Variants in RFX2 observed in about 807,000 individuals in gnomAD.
RFX2 encodes the protein regulatory factor X2.
Under a neutral mutation model 87.8 loss-of-function variants are expected in RFX2, and 20 were observed. The observed-to-expected ratio is 0.23, with a 90% CI of 0.16 to 0.33. The LOEUF is 0.33. RFX2 is among the 10% of genes least tolerant of loss of function. The pLI is 1.00. For missense variants in RFX2, 767 were observed against 1,012.3 expected (o/e 0.76, Z 3.29); for synonymous variants, 397 against 431.3 (o/e 0.92, Z 0.98).
rs535011614 is a variant in RFX2, at chr19:5,993,174, A to G, written c.*1661T>C. 1 of 152,380 alleles carries G rather than the reference A, an allele frequency of 6.6e-6. No individual in the cohort carries two copies. The highest frequency in any genetic ancestry group is 2.4e-5 in the African/African-American group (1 of 41,584). 9.4% of individuals were successfully genotyped at this position (152,380 alleles called of 1,614,324 possible). A position where few individuals can be genotyped will look rare whatever the true frequency, so the allele number is the denominator to read the frequency against. ...AGACAGGCCAGAGCCTAAGGCAGAA[A>G]CCAGCTTGTATTGGTTACCAGGAGT... On this transcript the variant is annotated 3_prime_UTR_variant, in exon 18 of 18. Coordinates refer to ENST00000303657, the MANE Select transcript of RFX2 (RefSeq NM_000635.4).
At chr19:6,008,587 C>T (rs190764541) in intron 9 of RFX2, among the ~76,000 whole-genome samples, 2 of 151,880 alleles carry the variant, frequency 1.3e-5, no homozygotes, top group East Asian at 3.9e-4. Flanking sequence ...TTTGGCCAGG[C>T]TGGTCTCGAA....
chr19:6,012,963 T>C lies in RFX2; in HGVS notation c.899+23A>G. On this transcript the variant is annotated intron_variant, in intron 8 of 17. Coordinates refer to ENST00000303657, the MANE Select transcript of RFX2 (RefSeq NM_000635.4). This position sits in a 1 kb window ranked among gnomAD's most constrained non-coding sequence, Gnocchi z 4.6. ...CATGCTCCAGGGGAGAGCCAGCTCC[T>C]CCCAGCTCGGCCCGGCACCCACCTG... The C allele has an allele frequency of 6.7e-7, 1 of 1,500,522 alleles. No homozygotes were observed. The highest frequency in any genetic ancestry group is 8.9e-7 in the Non-Finnish European group (1 of 1,124,206). The allele number at this position is 1,500,522 out of a possible 1,614,324, so 93.0% of individuals were successfully genotyped here.
rs192143076 is a variant in RFX2 at position 6,024,640 on chromosome 19, C to A, written c.597+1523G>T. ...GGACCTGTCCTACATCACTTTCTGC[C>A]CCCAGAATCACTCACTGCCTTTTGA... is the stretch of plus-strand genomic sequence containing the variant. On this transcript the variant is annotated intron_variant, in intron 6 of 17. Transcript: ENST00000303657. The surrounding 1 kb of genome is among the most constrained non-coding windows in gnomAD (Gnocchi z 5.0). Among the ~76,000 whole-genome samples the A allele has an allele frequency of 4.0e-3, 613 of 152,292 alleles. 3 individuals carry two copies. The highest frequency in any genetic ancestry group is 6.5e-3 in the Non-Finnish European group (439 of 68,026).
intron 1 of RFX2, among the ~76,000 whole-genome samples, chr19:6,073,796 A>G (rs2087643217): frequency 6.6e-6 from 1 of 152,128 alleles, no homozygotes; most frequent in African/African-American, 2.4e-5. Context: ...TTGAATGCGG[A>G]CGGCTAATAC....
chr19:6,055,149 A>T (rs1181975710), intron 1 of RFX2, among the ~76,000 whole-genome samples: 1 of 152,224 alleles, frequency 6.6e-6, no homozygotes, highest in Admixed American at 6.5e-5. Context: ...AACTATATCA[A>T]GATATCACTA....
rs146923686 is a variant in RFX2, at chr19:6,066,480, G to A, written c.-8-18976C>T. 2.4e-3 allele frequency among the ~76,000 whole-genome samples: 369 copies of A among 152,306 alleles called. 3 individuals are homozygous for A. Among genetic ancestry groups the A allele is most frequent in the Non-Finnish European group, 3.4e-3 (230 of 68,032 alleles). Reference sequence around the variant, plus strand: ...TGATGTACGGTAGTAGGTTGGACAAGTAATGATTTTCTGAACACCAGGAAT... The same window carrying A: ...TGATGTACGGTAGTAGGTTGGACAAATAATGATTTTCTGAACACCAGGAAT... On this transcript the variant is annotated intron_variant, in intron 1 of 17. Transcript: ENST00000303657.
intron 1 of RFX2, among the ~76,000 whole-genome samples, chr19:6,089,181 A>G (rs2087898186): frequency 6.6e-6 from 1 of 152,270 alleles, no homozygotes; most frequent in Non-Finnish European, 1.5e-5. Context: ...AGAGCCTAAA[A>G]TAACTCCAAA....
In RFX2 at chr19:6,010,889, G is replaced by A. The variant is rs1426210514; in HGVS notation, c.900-638C>T. ...CCCAGTGCTTTGGGAGGCCGAGGCA[G>A]GTGGATCATCTGAGGTCGGGAGTTC... On this transcript the variant is annotated intron_variant, in intron 8 of 17. Transcript: ENST00000303657. The surrounding 1 kb of genome is among the most constrained non-coding windows in gnomAD (Gnocchi z 5.0). Among the ~76,000 whole-genome samples, 1 of 152,190 alleles carries A rather than the reference G, an allele frequency of 6.6e-6. No homozygotes were observed. Among genetic ancestry groups the A allele is most frequent in the Admixed American group, 6.5e-5 (1 of 15,280 alleles).
At chr19:6,057,012 A>G (rs575414097) in intron 1 of RFX2, 1 of 152,190 alleles carries the variant, frequency 6.6e-6, no homozygotes, top group African/African-American at 2.4e-5. Flanking sequence ...TTCATTTACC[A>G]TCTGGTCCAA....
chr19:6,041,815 T>C (rs571771593), intron 4 of RFX2, among the ~76,000 whole-genome samples: 1 of 152,208 alleles, frequency 6.6e-6, no homozygotes, highest in African/African-American at 2.4e-5. Flanking sequence ...TCCTCCCACC[T>C]TGGCCTCCTG....
intron 5 of RFX2, among the ~76,000 whole-genome samples, chr19:6,038,570 T>C (rs2087056753): frequency 6.6e-6 from 1 of 152,030 alleles, no homozygotes; most frequent in African/African-American, 2.4e-5. Context: ...GGGGAAAATA[T>C]TTGCAAGTCA....
At position 6,047,448 on chromosome 19, in the gene RFX2, G is replaced by C. The variant is rs769588473; in HGVS notation, c.49C>G (p.Arg17Gly). Residue 17 changes from arginine (R) to glycine (G), a missense_variant, in exon 2 of 18, where the codon CGT becomes GGT. Arg to Gly is a moderately radical substitution (Grantham distance 125). Coordinates refer to ENST00000303657, the MANE Select transcript of RFX2 (RefSeq NM_000635.4). The surrounding 1 kb of genome is among the most constrained non-coding windows in gnomAD (Gnocchi z 4.2). Reference protein sequence around the residue: ...GADSPASVALRPSAAAPPVPA... With the variant: ...GADSPASVALGPSAAAPPVPA... ...ACAGGCGGGGCTGCCGCCGAGGGAC[G>C]CAGAGCCACGGACGCTGGCGAATCC... 3.7e-6 allele frequency: 6 copies of C among 1,604,916 alleles called. No individual in the cohort carries two copies. Among genetic ancestry groups the C allele is most frequent in the Non-Finnish European group, 5.1e-6 (6 of 1,175,930 alleles).
chr19:6,044,252 G>A lies in RFX2; in HGVS notation c.121C>T (p.Pro41Ser). The A allele has an allele frequency of 1.3e-6, 2 of 1,573,658 alleles. No homozygotes were observed. Among genetic ancestry groups the A allele is most frequent in the East Asian group, 2.3e-5 (1 of 42,756 alleles). ...ATCGGCTGCATCTGGGCCCCTTTGG[G>A]ATTGGAGCTGGCTGCCTGGACCAAC... The part of the protein sequence containing the change: ...RVLVQAASSN[P>S]KGAQMQPISL... The change falls in exon 3 of 18, where the codon CCC becomes TCC. Residue 41 changes from proline to serine, a missense_variant. By Grantham distance (74) the Pro-to-Ser change is moderately conservative. This residue lies in a region of RFX2 where 146 missense variants were observed against 139.2 expected (regional missense o/e 1.05). Transcript: ENST00000303657. The surrounding 1 kb of genome is among the most constrained non-coding windows in gnomAD (Gnocchi z 5.3).
In RFX2 at chr19:5,997,795, G is replaced by A. The variant is rs2086435649; in HGVS notation, c.1860-582C>T. On this transcript the variant is annotated intron_variant, in intron 15 of 17. Coordinates refer to ENST00000303657, the MANE Select transcript of RFX2 (RefSeq NM_000635.4). This position sits in a 1 kb window ranked among gnomAD's most constrained non-coding sequence, Gnocchi z 4.2. Reference sequence around the variant, plus strand: ...AGTCCGCGTCCAGCCCTCAGCCTGTGTGCTGACAATGCTTTACATTTTGAA... The same window carrying A: ...AGTCCGCGTCCAGCCCTCAGCCTGTATGCTGACAATGCTTTACATTTTGAA... Among the ~76,000 whole-genome samples the A allele has an allele frequency of 6.6e-6, 1 of 152,214 alleles. No individual in the cohort carries two copies.
intron 1 of RFX2, among the ~76,000 whole-genome samples, chr19:6,093,127 A>G (rs1229195927): frequency 2.0e-5 from 3 of 152,148 alleles, no homozygotes; most frequent in Non-Finnish European, 2.9e-5. Flanking sequence ...AGGCTCAGCA[A>G]TTTCCCTGCC....
chr19:6,028,921 C>CA lies in RFX2; in HGVS notation c.523-2685dup, dbSNP rs1445620946. 4.6e-5 allele frequency among the ~76,000 whole-genome samples: 7 copies of CA among 150,854 alleles called. No homozygotes were observed. The South Asian group carries it at 1.0e-3, about 22-fold the overall frequency. On this transcript the variant is annotated intron_variant, in intron 5 of 17. Coordinates refer to ENST00000303657, the MANE Select transcript of RFX2 (RefSeq NM_000635.4). The stretch of plus-strand genomic sequence containing the variant: ...GAAACCCTGTCTCTACTAAAAATAC[C>CA]AAAAAAAATTAGGTGGGTGTGGTGG...
At chr19:6,019,964 G>GGT (rs2086787745) in intron 6 of RFX2, 4 of 152,338 alleles carry the variant, frequency 2.6e-5, no homozygotes, top group Admixed American at 2.6e-4. Context: ...AGCAACAGAG[G>GGT]GTGTCTGGGT....
intron 3 of RFX2, among the ~76,000 whole-genome samples, chr19:6,042,957 G>T (rs1179475479): frequency 6.6e-6 from 1 of 152,186 alleles, no homozygotes; most frequent in African/African-American, 2.4e-5. Context: ...CGGGTGTCAT[G>T]GTGTCATGGT....
chr19:6,000,280 C>T (rs543976010), intron 15 of RFX2, among the ~76,000 whole-genome samples: 87 of 152,266 alleles, frequency 5.7e-4, no homozygotes, highest in Non-Finnish European at 1.1e-3. Flanking sequence ...CCACTGCGCC[C>T]GGCCAGGCAA....
Sources: allele counts gnomAD v4.1 joint callset (sites outside exome capture counted in the v4.1 genomes callset), GRCh38; gene constraint gnomAD v4.1.1; regional missense constraint gnomAD v4.1.1; non-coding constraint Gnocchi (gnomAD v3.1); transcripts MANE v1.5; gene names NCBI Gene and HGNC (gene_info 2026-07-23, HGNC 2026-07-21).